Variants in CACNB3 observed in about 807,000 individuals in gnomAD.
CACNB3 encodes calcium voltage-gated channel auxiliary subunit beta 3.
In CACNB3, 36 loss-of-function variants were observed where a neutral mutation model predicts 63.7. The observed-to-expected ratio is 0.57, with a 90% CI of 0.43 to 0.75. CACNB3 has a LOEUF of 0.75. Among genes scored for constraint, CACNB3 ranks in the 30% least tolerant of loss-of-function variants. The pLI, the probability that CACNB3 is intolerant of heterozygous loss-of-function variation, is 0.00. For synonymous variants in CACNB3, 241 were observed against 250.6 expected (o/e 0.96, Z 0.36); for missense variants, 493 against 648.6 (o/e 0.76, Z 2.61).
In CACNB3 at chr12:48,818,653, G is replaced by A. The variant is rs1298310575; in HGVS notation, c.-277G>A. ...TCCCGGGGAGGGGGTCAGGTGGGCG[G>A]GCACTATTGTTGTAGGAGCCGGCGC... On this transcript the variant is annotated 5_prime_UTR_variant, in exon 1 of 13. Transcript: ENST00000301050. This position sits in a 1 kb window ranked among gnomAD's most constrained non-coding sequence, Gnocchi z 4.3. 2.6e-6 allele frequency: 3 copies of A among 1,172,256 alleles called. No homozygotes were observed. Among genetic ancestry groups the A allele is most frequent in the Non-Finnish European group, 3.2e-6 (3 of 951,276 alleles). The allele number at this position is 1,172,256 out of a possible 1,614,324, so 72.6% of individuals were successfully genotyped here.
chr12:48,815,955 G>A (rs1942278811), upstream of CACNB3, among the ~76,000 whole-genome samples: 2 of 152,090 alleles, frequency 1.3e-5, no homozygotes, highest in South Asian at 2.1e-4. Context: ...TGAGAGGAGA[G>A]GACTGACTGA....
chr12:48,827,167 A>AAGGC (rs767975891), intron 12 of CACNB3, 44 bp downstream of exon 12: 2 of 1,603,940 alleles, frequency 1.2e-6, no homozygotes, highest in Admixed American at 1.7e-5. Context: ...TAAGCCAGCC[A>AAGGC]AGGCACTGCC....
chr12:48,816,376 CT>C (rs937601361), upstream of CACNB3, among the ~76,000 whole-genome samples: 18 of 152,338 alleles, frequency 1.2e-4, no homozygotes, highest in African/African-American at 3.4e-4. Context: ...AGCCTCTCCC[CT>C]GATCCTTTAT....
intron 1 of CACNB3, chr12:48,819,582 C>A: frequency 5.0e-6 from 2 of 403,796 alleles, no homozygotes; most frequent in Non-Finnish European, 5.0e-6. Flanking sequence ...AGGCTGAAAC[C>A]TGGGCGCCCA....
At position 48,827,755 on chromosome 12, in the gene CACNB3, C is replaced by G; in HGVS notation, c.1311C>G (p.Tyr437Ter). ...ATGCAGATGCCTACCAGGACCTGTA[C>G]CAGCCTCACCGCCAACACACCTCGG... ...EDYADAYQDL[Y>*]QPHRQHTSGL... is the part of the protein sequence containing the mutation. The change falls in exon 13 of 13, where the codon TAC becomes TAG. Residue 437 changes from tyrosine to a stop codon, truncating the protein, a stop_gained. Transcript: ENST00000301050. LOFTEE classifies it high-confidence loss of function. The G allele has an allele frequency of 6.2e-7, 1 of 1,614,180 alleles. No individual in the cohort carries two copies. The highest frequency in any genetic ancestry group is 8.5e-7 in the Non-Finnish European group (1 of 1,180,034).
At position 48,823,399 on chromosome 12, in the gene CACNB3, A is replaced by G. The variant is rs1937957512; in HGVS notation, c.101A>G (p.Glu34Gly). ...RPSLDSDVSL[E>G]EDRESARREV... ...TCTCTGGACTCAGACGTCTCCCTGG[A>G]GGAGGACCGGGAGAGTGCCCGGCGT... Residue 34 changes from glutamate to glycine, a missense_variant, in exon 2 of 13, where the codon GAG becomes GGG. Glu to Gly is a moderately conservative substitution (Grantham distance 98). Transcript: ENST00000301050. The surrounding 1 kb of genome is among the most constrained non-coding windows in gnomAD (Gnocchi z 4.2). 1.9e-6 allele frequency: 3 copies of G among 1,614,088 alleles called. No individual in the cohort carries two copies. Among genetic ancestry groups the G allele is most frequent in the Non-Finnish European group, 2.5e-6 (3 of 1,179,956 alleles).
In CACNB3 at chr12:48,818,853, C is replaced by A; in HGVS notation, c.-77C>A. On this transcript the variant is annotated 5_prime_UTR_variant, in exon 1 of 13. Coordinates refer to ENST00000301050, the MANE Select transcript of CACNB3 (RefSeq NM_000725.4). This position sits in a 1 kb window ranked among gnomAD's most constrained non-coding sequence, Gnocchi z 4.3. ...GGGGCTCGGTGGCATCTCCCGGGCGCGGCCCGCAGTCCTTGCCCCTGCCTC... is the reference window on the plus strand; with the variant it reads ...GGGGCTCGGTGGCATCTCCCGGGCGAGGCCCGCAGTCCTTGCCCCTGCCTC... 6.9e-7 allele frequency: 1 copy of A among 1,454,206 alleles called. No homozygotes were observed. Among genetic ancestry groups the A allele is most frequent in the East Asian group, 2.9e-5 (1 of 34,698 alleles). 90.1% of individuals were successfully genotyped at this position (1,454,206 alleles called of 1,614,324 possible).
Position 48,825,733 on chromosome 12 carries a change from A to C in CACNB3, c.706A>C (p.Thr236Pro). The C allele has an allele frequency of 6.2e-7, 1 of 1,614,114 alleles. No individual in the cohort carries two copies. Among genetic ancestry groups the C allele is most frequent in the Non-Finnish European group, 8.5e-7 (1 of 1,180,010 alleles). The change falls in exon 9 of 13, where the codon ACC (threonine) becomes CCC (proline). Residue 236 changes from threonine (T) to proline (P), a missense_variant. By Grantham distance (38) the Thr-to-Pro change is conservative (BLOSUM62 -1). Coordinates refer to ENST00000301050, the MANE Select transcript of CACNB3 (RefSeq NM_000725.4). The surrounding 1 kb of genome is among the most constrained non-coding windows in gnomAD (Gnocchi z 4.5). Reference protein sequence around the residue: ...RSVLNNPGKRTIIERSSARSS... With the variant: ...RSVLNNPGKRPIIERSSARSS... Reference sequence around the variant, plus strand: ...TGTGCTCAACAATCCGGGCAAGAGGACCATCATTGAGCGCTCCTCTGCCCG... The same window carrying C: ...TGTGCTCAACAATCCGGGCAAGAGGCCCATCATTGAGCGCTCCTCTGCCCG...
rs571679149 is a variant in CACNB3, at chr12:48,827,506, G to C, written c.1141-79G>C. On this transcript the variant is annotated intron_variant, in intron 12 of 12. Coordinates refer to ENST00000301050, the MANE Select transcript of CACNB3 (RefSeq NM_000725.4). ...CTTTACCGGGGAATTGAGAGTTGAG[G>C]GGGGAAGAATCTCGCACCTCACCAG... The C allele has an allele frequency of 9.2e-6, 12 of 1,302,896 alleles. No homozygotes were observed. In the Admixed American group the frequency reaches 2.0e-4, roughly 22 times the overall value. 80.7% of individuals were successfully genotyped at this position (1,302,896 alleles called of 1,614,324 possible).
chr12:48,820,741 C>T lies in CACNB3; in HGVS notation c.45+1767C>T, dbSNP rs1592184339. The T allele has an allele frequency of 1.3e-5, 2 of 152,242 alleles. 1 individual carries two copies. The highest frequency in any genetic ancestry group is 3.8e-4 in the East Asian group (2 of 5,206). The allele number at this position is 152,242 out of a possible 1,614,324, so 9.4% of individuals were successfully genotyped here. A position where few individuals can be genotyped will look rare whatever the true frequency, so the allele number is the denominator to read the frequency against. ...GCAGCCCTGGCCTCCCCAAGTAATA[C>T]TGGAGCACTAGAGATGAGTGAGCCT... On this transcript the variant is annotated intron_variant, in intron 1 of 12. Transcript: ENST00000301050.
chr12:48,815,586 C>A (rs890568055), upstream of CACNB3: 17 of 1,526,854 alleles, frequency 1.1e-5, no homozygotes, highest in Non-Finnish European at 1.5e-5. Flanking sequence ...GGGGCGAGGC[C>A]AGGCGTGCAG....
At chr12:48,814,531 C>T (rs975638606), upstream of CACNB3, 2 of 1,528,252 alleles carry the variant, frequency 1.3e-6, no homozygotes, top group Non-Finnish European at 1.7e-6. The surrounding 1 kb of genome is among the most constrained non-coding windows in gnomAD (Gnocchi z 6.9). Context: ...TTAGCTGGGG[C>T]GCCCCTCGAG....
At position 48,818,818 on chromosome 12, in the gene CACNB3, G is replaced by T. The variant is rs1363700385; in HGVS notation, c.-112G>T. ...GCTCTCTCGCTCCCTGCCGCCGCCC[G>T]CAGGGCTGCGGGGCTCGGTGGCATC... On this transcript the variant is annotated 5_prime_UTR_variant, in exon 1 of 13. Coordinates refer to ENST00000301050, the MANE Select transcript of CACNB3 (RefSeq NM_000725.4). This position sits in a 1 kb window ranked among gnomAD's most constrained non-coding sequence, Gnocchi z 4.3. 2.9e-6 allele frequency: 4 copies of T among 1,371,572 alleles called. No individual in the cohort carries two copies. In the East Asian group the frequency reaches 1.2e-4, roughly 42 times the overall value. The allele number at this position is 1,371,572 out of a possible 1,614,324, so 85.0% of individuals were successfully genotyped here.
chr12:48,823,810 G>C lies in CACNB3; in HGVS notation c.291+7G>C. ...TTTTCTGCACATTAAAGAGGTGATC[G>C]ACCCCCCTACTTCCAGAAGCCTCTA... is the stretch of plus-strand genomic sequence containing the variant. On this transcript the variant is annotated splice_region_variant and intron_variant, in intron 3 of 12. Transcript: ENST00000301050. The surrounding 1 kb of genome is among the most constrained non-coding windows in gnomAD (Gnocchi z 4.2). The C allele has an allele frequency of 6.2e-7, 1 of 1,613,878 alleles. No individual in the cohort carries two copies. Among genetic ancestry groups the C allele is most frequent in the South Asian group, 1.1e-5 (1 of 91,040 alleles).
At position 48,826,443 on chromosome 12, in the gene CACNB3, C is replaced by T; in HGVS notation, c.819C>T (p.Thr273=). Residue 273 remains threonine (T), a synonymous_variant, in exon 10 of 13, where the codon ACC becomes ACT. Transcript: ENST00000301050. This position sits in a 1 kb window ranked among gnomAD's most constrained non-coding sequence, Gnocchi z 4.8. ...SLQLVVLDAD[T]INHPAQLAKT... ...AGCTAGTAGTGTTGGACGCTGACACCATCAACCACCCAGCACAGCTGGCCA... is the reference window on the plus strand; with the variant it reads ...AGCTAGTAGTGTTGGACGCTGACACTATCAACCACCCAGCACAGCTGGCCA... The T allele has an allele frequency of 3.1e-6, 5 of 1,614,090 alleles. No individual in the cohort carries two copies. Among genetic ancestry groups the T allele is most frequent in the Non-Finnish European group, 4.2e-6 (5 of 1,179,972 alleles).
chr12:48,824,278 G>T lies in CACNB3; in HGVS notation c.312G>T (p.Trp104Cys). The change falls in exon 4 of 13, where the codon TGG becomes TGT. Residue 104 changes from tryptophan (W) to cysteine (C), a missense_variant. Coordinates refer to ENST00000301050, the MANE Select transcript of CACNB3 (RefSeq NM_000725.4). The part of the protein sequence containing the change: ...HIKEKYSNDW[W>C]IGRLVKEGGD... ...CCCAGAAGTACAGCAATGACTGGTG[G>T]ATCGGGCGGCTAGTGAAAGAGGGCG... 1 of 1,613,124 alleles carries T rather than the reference G, an allele frequency of 6.2e-7. No individual in the cohort carries two copies. The highest frequency in any genetic ancestry group is 2.2e-5 in the East Asian group (1 of 44,856).
chr12:48,828,622 C>G lies in CACNB3; in HGVS notation c.*723C>G. The G allele has an allele frequency of 2.2e-6, 1 of 454,960 alleles. No homozygotes were observed. The highest frequency in any genetic ancestry group is 4.4e-6 in the Non-Finnish European group (1 of 226,004). The allele number at this position is 454,960 out of a possible 1,614,324, so 28.2% of individuals were successfully genotyped here. ...AGCCAAGTGGCAGATGGGAGCCAAC[C>G]TGGATGGGGGTTTGGGGAAGGAGGG... On this transcript the variant is annotated 3_prime_UTR_variant, in exon 13 of 13. Coordinates refer to ENST00000301050, the MANE Select transcript of CACNB3 (RefSeq NM_000725.4).
intron 1 of CACNB3, chr12:48,819,587 C>G (rs1436347088): frequency 2.5e-6 from 1 of 405,620 alleles, no homozygotes; most frequent in Non-Finnish European, 4.9e-6. Flanking sequence ...GAAACCTGGG[C>G]GCCCAGCACA....
At chr12:48,822,258 C>T (rs899402069) in intron 1 of CACNB3, among the ~76,000 whole-genome samples, 1 of 152,108 alleles carries the variant, frequency 6.6e-6, no homozygotes, top group Non-Finnish European at 1.5e-5. Flanking sequence ...AAACGAAAGA[C>T]TCCCTTTCCC....
Sources: gnomAD v4.1 joint callset for allele counts (sites outside exome capture counted in the v4.1 genomes callset) on GRCh38, gnomAD v4.1.1 for gene constraint, Gnocchi (gnomAD v3.1) non-coding constraint, MANE v1.5 for transcripts, NCBI Gene and HGNC (gene_info 2026-07-23, HGNC 2026-07-21) for gene names.